Variants in PPFIA2 observed in about 807,000 individuals in gnomAD.
PPFIA2 encodes the protein liprin-alpha-2.
In PPFIA2, 46 loss-of-function variants were observed where a neutral mutation model predicts 175.5. The ratio of observed to expected loss-of-function variants is 0.26; its 90% CI spans 0.21 to 0.34. The LOEUF (loss-of-function observed/expected upper bound fraction) is 0.34. PPFIA2 is among the 10% of genes least tolerant of loss of function. PPFIA2 has a pLI of 1.00. For synonymous variants in PPFIA2, 568 were observed against 511.4 expected (o/e 1.11, Z -1.49); for missense variants, 1,179 against 1,506.1 (o/e 0.78, Z 3.60).
intron 4 of PPFIA2, among the ~76,000 whole-genome samples, chr12:81,482,883 T>C (rs1014883104): frequency 3.2e-4 from 49 of 152,046 alleles, no homozygotes; most frequent in African/African-American, 1.2e-3. Context: ...AGAACTTATA[T>C]ATATATATAT....
intron 24 of PPFIA2, chr12:81,292,666 C>T (rs972015640): frequency 1.3e-5 from 2 of 152,048 alleles, no homozygotes; most frequent in Non-Finnish European, 1.5e-5. Context: ...ATCAGTAAGG[C>T]TTCCAGTCAA....
At chr12:81,427,900 GAATT>G (rs1443694182) in intron 7 of PPFIA2, among the ~76,000 whole-genome samples, 2 of 151,900 alleles carry the variant, frequency 1.3e-5, no homozygotes, top group Non-Finnish European at 2.9e-5. Context: ...CTGAGAAGTT[GAATT>G]AATTGCCAGG....
intron 4 of PPFIA2, among the ~76,000 whole-genome samples, chr12:81,496,785 G>C (rs1488748443): frequency 6.6e-6 from 1 of 152,178 alleles, no homozygotes; most frequent in African/African-American, 2.4e-5. Flanking sequence ...GGAGGTCAAT[G>C]TTGTTACATT....
chr12:81,262,627 C>T (rs1283422826), intron 31 of PPFIA2, among the ~76,000 whole-genome samples: 3 of 152,148 alleles, frequency 2.0e-5, no homozygotes, highest in Non-Finnish European at 4.4e-5. Flanking sequence ...TCAAAGTTGT[C>T]TCTCCTCTGG....
chr12:81,638,178 C>T (rs2153510008), intron 4 of PPFIA2, among the ~76,000 whole-genome samples: 1 of 152,208 alleles, frequency 6.6e-6, no homozygotes, highest in South Asian at 2.1e-4. Flanking sequence ...TTAATATTGA[C>T]TTTAACTCTT....
At chr12:81,575,968 T>C (rs2073457634) in intron 4 of PPFIA2, among the ~76,000 whole-genome samples, 1 of 151,702 alleles carries the variant, frequency 6.6e-6, no homozygotes, top group African/African-American at 2.4e-5. Flanking sequence ...GCCCCAGCAA[T>C]CAGGTTTGCA....
At chr12:81,639,233 T>C (rs1444272646) in intron 4 of PPFIA2, among the ~76,000 whole-genome samples, 1 of 152,200 alleles carries the variant, frequency 6.6e-6, no homozygotes, top group Non-Finnish European at 1.5e-5. Context: ...ATGAGTAGTG[T>C]AGGAGTATGC....
chr12:81,323,987 C>T (rs1858964266), intron 22 of PPFIA2, among the ~76,000 whole-genome samples: 1 of 151,952 alleles, frequency 6.6e-6, no homozygotes, highest in Non-Finnish European at 1.5e-5. Flanking sequence ...GGGAAATAAT[C>T]GTACTAAGAA....
intron 3 of PPFIA2, among the ~76,000 whole-genome samples, chr12:81,751,230 G>T (rs553667176): frequency 1.3e-5 from 2 of 152,056 alleles, no homozygotes; most frequent in Non-Finnish European, 2.9e-5. Context: ...TATTGAAAAA[G>T]ATATCCTCAA....
At chr12:81,455,696 A>G (rs1041467555) in intron 5 of PPFIA2, among the ~76,000 whole-genome samples, 1 of 152,168 alleles carries the variant, frequency 6.6e-6, no homozygotes, top group African/African-American at 2.4e-5. Context: ...AATTCATCAC[A>G]ATTAGATACT....
chr12:81,340,900 C>T (rs2057932556), intron 20 of PPFIA2, among the ~76,000 whole-genome samples, 178 bp downstream of exon 20: 1 of 151,990 alleles, frequency 6.6e-6, no homozygotes, highest in South Asian at 2.1e-4. Context: ...TTTAAAAATA[C>T]AAATTTGATA....
Position 81,741,067 on chromosome 12 carries a change from T to A in PPFIA2, c.249+12906A>T, listed in dbSNP as rs117424534. Among the ~76,000 whole-genome samples the A allele has an allele frequency of 6.0e-4, 91 of 152,290 alleles. No homozygotes were observed. The East Asian group carries it at 0.017, about 28-fold the overall frequency. On this transcript the variant is annotated intron_variant, in intron 3 of 32. Transcript: ENST00000549396. ...CATGAAGAATGTGAAAAAAATGGAA[T>A]TTCAAATCCACAGAAATTGTGTCAA...
At chr12:81,700,480 G>C (rs1242554000) in intron 3 of PPFIA2, among the ~76,000 whole-genome samples, 1 of 151,970 alleles carries the variant, frequency 6.6e-6, no homozygotes, top group Non-Finnish European at 1.5e-5. Context: ...TGAATTATAA[G>C]AATAAAATAT....
At chr12:81,611,019 G>A (rs907145184) in intron 4 of PPFIA2, among the ~76,000 whole-genome samples, 1 of 152,166 alleles carries the variant, frequency 6.6e-6, no homozygotes, top group Non-Finnish European at 1.5e-5. Context: ...TTTGGACTGT[G>A]ATCCTGTAGA....
At chr12:81,568,898 T>C (rs1399584539) in intron 4 of PPFIA2, among the ~76,000 whole-genome samples, 1 of 152,092 alleles carries the variant, frequency 6.6e-6, no homozygotes, top group Non-Finnish European at 1.5e-5. Context: ...TTCTTCAAAA[T>C]GGTATCTTTT....
intron 4 of PPFIA2, among the ~76,000 whole-genome samples, chr12:81,648,433 A>G (rs1247346366): frequency 6.6e-6 from 1 of 152,080 alleles, no homozygotes; most frequent in Non-Finnish European, 1.5e-5. Context: ...TAGTAAGTTG[A>G]TACACTATCA....
intron 4 of PPFIA2, among the ~76,000 whole-genome samples, chr12:81,633,855 G>A (rs919357678): frequency 2.6e-5 from 4 of 151,904 alleles, no homozygotes; most frequent in African/African-American, 7.2e-5. Flanking sequence ...AGAGGAAGGT[G>A]GGTAATAGAG....
Position 81,341,096 on chromosome 12 carries a change from T to C in PPFIA2, c.2375A>G (p.Tyr792Cys), listed in dbSNP as rs2057976170. ...LRMTHTLPSSYHNDARSSLSV... is the reference protein window; with the variant it reads ...LRMTHTLPSSCHNDARSSLSV... The stretch of plus-strand genomic sequence containing the variant: ...GTCTTACCTTCGAGCATCATTGTGG[T>C]AGGAAGAAGGGAGAGTGTGAGTCAT... Residue 792 changes from tyrosine to cysteine, a missense_variant, in exon 20 of 33, where the codon TAC becomes TGC. Transcript: ENST00000549396. 1 of 1,610,230 alleles carries C rather than the reference T, an allele frequency of 6.2e-7. No homozygotes were observed. Among genetic ancestry groups the C allele is most frequent in the Non-Finnish European group, 8.5e-7 (1 of 1,177,228 alleles).
intron 22 of PPFIA2, among the ~76,000 whole-genome samples, chr12:81,311,732 CAAAAAAAAAAAA>C (rs1050904857): frequency 2.1e-5 from 1 of 48,390 alleles, no homozygotes; most frequent in East Asian, 5.3e-4. Context: ...GACTCTGTCT[CAAAAAAAAAAAA>C]AAAAAAAAGA....
Sources: allele counts gnomAD v4.1 joint callset (sites outside exome capture counted in the v4.1 genomes callset), GRCh38; gene constraint gnomAD v4.1.1; transcripts MANE v1.5; gene names NCBI Gene and HGNC (gene_info 2026-07-23, HGNC 2026-07-21).